PPP2R5E: variants seen among roughly 807,000 people sequenced by gnomAD.
The protein encoded by PPP2R5E is protein phosphatase 2 regulatory subunit B'epsilon, also known as serine/threonine-protein phosphatase 2A 56 kDa regulatory subunit epsilon isoform.
Under a neutral mutation model 65.3 loss-of-function variants are expected in PPP2R5E, and 4 were observed. The ratio of observed to expected loss-of-function variants is 0.06; its 90% CI spans 0.03 to 0.14. PPP2R5E has a LOEUF of 0.14. Among genes scored for constraint, PPP2R5E ranks in the 10% least tolerant of loss-of-function variants. The pLI, the probability that PPP2R5E is intolerant of heterozygous loss-of-function variation, is 1.00. For synonymous variants in PPP2R5E, 183 were observed against 187.4 expected, an observed-to-expected ratio of 0.98 and a Z score of 0.19; for missense variants, 274 against 556.1, an observed-to-expected ratio of 0.49 and a Z score of 5.10.
chr14:63,424,622 G>T (rs987480687), intron 3 of PPP2R5E, among the ~76,000 whole-genome samples: 1 of 151,936 alleles, frequency 6.6e-6, no homozygotes, highest in Non-Finnish European at 1.5e-5. Context: ...GTGGTGGCGG[G>T]CGCCTGTAGT....
intron 5 of PPP2R5E, among the ~76,000 whole-genome samples, chr14:63,397,714 A>ATG (rs1424094421): frequency 6.6e-6 from 1 of 151,018 alleles, no homozygotes; most frequent in East Asian, 1.9e-4. Context: ...TGTATGTTAT[A>ATG]TGTGAATAAC....
intron 2 of PPP2R5E, among the ~76,000 whole-genome samples, chr14:63,474,688 A>AT (rs1435131075): frequency 6.6e-6 from 1 of 150,408 alleles, no homozygotes; most frequent in African/African-American, 2.4e-5. Context: ...AAAAAAAAAA[A>AT]AAAAAAAAAA....
chr14:63,380,736 T>C (rs1884305911), intron 13 of PPP2R5E, among the ~76,000 whole-genome samples: 1 of 152,044 alleles, frequency 6.6e-6, no homozygotes, highest in Non-Finnish European at 1.5e-5. Flanking sequence ...ATAATCCCAA[T>C]ATTCTGGGTA....
chr14:63,452,335 T>C (rs956465592), intron 3 of PPP2R5E: 8 of 152,300 alleles, frequency 5.3e-5, no homozygotes, highest in Admixed American at 2.0e-4. Flanking sequence ...AAGAGCAAGG[T>C]TTCTCAACAG....
At chr14:63,392,760 A>T in intron 8 of PPP2R5E, among the ~76,000 whole-genome samples, 1 of 152,250 alleles carries the variant, frequency 6.6e-6, no homozygotes, top group East Asian at 1.9e-4. Context: ...AGAATTTCAC[A>T]TTTAAAGAGG....
At chr14:63,541,639 C>G (rs1317165228) in intron 1 of PPP2R5E, among the ~76,000 whole-genome samples, 1 of 152,110 alleles carries the variant, frequency 6.6e-6, no homozygotes, top group Non-Finnish European at 1.5e-5. Flanking sequence ...TTCCAATAGA[C>G]AAGACAAGTG....
intron 7 of PPP2R5E, 142 bp from the exon 8 acceptor site, chr14:63,394,070 CTTTTTTTT>C (rs557273298): frequency 0.014 from 2,508 of 181,082 alleles, 2 homozygotes; most frequent in East Asian, 0.06. Flanking sequence ...TCAGAATTTC[CTTTTTTTT>C]TTTTTTTTTT....
At position 63,450,260 on chromosome 14, in the gene PPP2R5E, C is replaced by G. The variant is rs889696843; in HGVS notation, c.354+3429G>C. On this transcript the variant is annotated intron_variant, in intron 3 of 13. Coordinates refer to ENST00000337537, the MANE Select transcript of PPP2R5E (RefSeq NM_006246.5). ...AGTACCGTATATAATTAGTAGCTAACAATTTCAGAAATCACCAAATATGAA... is the reference window on the plus strand; with the variant it reads ...AGTACCGTATATAATTAGTAGCTAAGAATTTCAGAAATCACCAAATATGAA... Among the ~76,000 whole-genome samples, 49 of 152,306 alleles carry G rather than the reference C, an allele frequency of 3.2e-4. 1 individual carries two copies. The highest frequency in any genetic ancestry group is 1.2e-3 in the African/African-American group (49 of 41,554).
intron 2 of PPP2R5E, among the ~76,000 whole-genome samples, chr14:63,483,954 G>A (rs879766932): frequency 5.9e-5 from 9 of 151,910 alleles, no homozygotes; most frequent in Non-Finnish European, 1.2e-4. Flanking sequence ...CTGGTGGCGC[G>A]CGCCTATAGT....
intron 2 of PPP2R5E, among the ~76,000 whole-genome samples, chr14:63,537,128 T>C (rs563416144): frequency 6.6e-6 from 1 of 152,318 alleles, no homozygotes. Context: ...CTTCTTTCAC[T>C]ACCCACAAAA....
In PPP2R5E at chr14:63,438,028, C is replaced by T. The variant is rs74771832; in HGVS notation, c.354+15661G>A. Among the ~76,000 whole-genome samples, 387 of 152,290 alleles carry T rather than the reference C, an allele frequency of 2.5e-3. 3 individuals are homozygous for T. The highest frequency in any genetic ancestry group is 8.8e-3 in the African/African-American group (367 of 41,544). ...TCTTTGCACCATTTTTCAGAGGCAA[C>T]TTGCTCCTGAGAAGTCACTGAATAG... On this transcript the variant is annotated intron_variant, in intron 3 of 13. Transcript: ENST00000337537.
At chr14:63,449,869 C>A (rs1190185917) in intron 3 of PPP2R5E, among the ~76,000 whole-genome samples, 1 of 141,458 alleles carries the variant, frequency 7.1e-6, no homozygotes, top group Non-Finnish European at 1.5e-5. Context: ...CTTTTCTTTT[C>A]CTATTTTTTT....
intron 2 of PPP2R5E, among the ~76,000 whole-genome samples, chr14:63,492,192 T>C (rs1333382756): frequency 6.6e-6 from 1 of 152,106 alleles, no homozygotes; most frequent in African/African-American, 2.4e-5. Context: ...TACATCTTTA[T>C]ATATACCTAA....
At position 63,520,859 on chromosome 14, in the gene PPP2R5E, C is replaced by CAAAAAAAAA. The variant is rs748146106; in HGVS notation, c.157+18661_157+18669dup. ...TGAAACCTCATCTCTACTAAAAATA[C>CAAAAAAAAA]AAAAAAAAAAAAAAAAAAAAAAAAA... On this transcript the variant is annotated intron_variant, in intron 2 of 13. Transcript: ENST00000337537. Among the ~76,000 whole-genome samples the CAAAAAAAAA allele has an allele frequency of 5.9e-3, 346 of 58,498 alleles. 2 individuals carry two copies. The highest frequency in any genetic ancestry group is 0.043 in the Middle Eastern group (4 of 94). The allele number at this position is 58,498 out of a possible 152,430, so 38.4% of individuals were successfully genotyped here. A position where few individuals can be genotyped will look rare whatever the true frequency, so the allele number is the denominator to read the frequency against.
chr14:63,452,514 C>T (rs755042041), intron 3 of PPP2R5E: 1 of 152,150 alleles, frequency 6.6e-6, no homozygotes, highest in Non-Finnish European at 1.5e-5. Context: ...ACAAATGTCC[C>T]CTGTAAGGTA....
chr14:63,438,345 G>C (rs1352444420), intron 3 of PPP2R5E, among the ~76,000 whole-genome samples: 1 of 152,094 alleles, frequency 6.6e-6, no homozygotes, highest in African/African-American at 2.4e-5. Flanking sequence ...CTAACACCAA[G>C]AGCTGGGATT....
intron 2 of PPP2R5E, among the ~76,000 whole-genome samples, chr14:63,499,170 T>C (rs1044914994): frequency 1.3e-5 from 2 of 152,166 alleles, no homozygotes; most frequent in Non-Finnish European, 2.9e-5. Context: ...AGAAGGTTGG[T>C]TTTGGTTTGA....
At chr14:63,389,485 T>TGG in intron 11 of PPP2R5E, 127 bp downstream of exon 11, 2 of 1,138,716 alleles carry the variant, frequency 1.8e-6, no homozygotes, top group Non-Finnish European at 1.2e-6. Context: ...ACTATTAAAA[T>TGG]TATCATCATG....
At chr14:63,477,078 A>G (rs1304762293) in intron 2 of PPP2R5E, among the ~76,000 whole-genome samples, 3 of 152,166 alleles carry the variant, frequency 2.0e-5, no homozygotes, top group African/African-American at 7.2e-5. Context: ...GTAGGCTTAT[A>G]AAGGCCACAA....
Sources: allele counts gnomAD v4.1 joint callset (sites outside exome capture counted in the v4.1 genomes callset), GRCh38; gene constraint gnomAD v4.1.1; transcripts MANE v1.5; gene names NCBI Gene and HGNC (gene_info 2026-07-23, HGNC 2026-07-21).